UBE3D: variants seen among roughly 807,000 people sequenced by gnomAD.
UBE3D encodes the protein E3 ubiquitin-protein ligase E3D.
A neutral mutation model predicts 49.6 loss-of-function variants in UBE3D; 48 were observed. That is an observed-to-expected ratio of 0.97 (90% CI 0.77 to 1.23). The LOEUF is 1.23. Among genes scored for constraint, UBE3D ranks in the 50% most tolerant of loss-of-function variants. UBE3D has a pLI of 0.00. For missense variants in UBE3D, 452 were observed against 468.4 expected, an observed-to-expected ratio of 0.96 and a Z score of 0.32; for synonymous variants, 189 against 174.2, an observed-to-expected ratio of 1.08 and a Z score of -0.67.
At chr6:82,991,637 G>A (rs1778890173) in intron 8 of UBE3D, among the ~76,000 whole-genome samples, 1 of 152,018 alleles carries the variant, frequency 6.6e-6, no homozygotes, top group Admixed American at 6.6e-5. Flanking sequence ...ATTCTGGCAG[G>A]AAGATCTTAC....
Position 82,932,439 on chromosome 6 carries a change from A to C in UBE3D, c.1149+24873T>G, listed in dbSNP as rs144018810. 4.6e-5 allele frequency among the ~76,000 whole-genome samples: 7 copies of C among 152,196 alleles called. No homozygotes were observed. In the East Asian group the frequency reaches 1.4e-3, roughly 29 times the overall value. On this transcript the variant is annotated intron_variant, in intron 9 of 9. Coordinates refer to ENST00000369747, the MANE Select transcript of UBE3D (RefSeq NM_198920.3). ...GCTTTTTAAATCATGTGACCTTAAA[A>C]TCCCTTCCTTATACTCCATGCTGTG...
intron 8 of UBE3D, among the ~76,000 whole-genome samples, chr6:82,985,057 G>A (rs1582550096): frequency 3.3e-5 from 3 of 91,730 alleles, no homozygotes; most frequent in African/African-American, 1.3e-4. Context: ...TTGCTGTGTT[G>A]CCCAGGCTGG....
At chr6:83,025,808 A>G (rs1280322019) in intron 5 of UBE3D, among the ~76,000 whole-genome samples, 3 of 149,748 alleles carry the variant, frequency 2.0e-5, no homozygotes, top group Admixed American at 6.7e-5. Flanking sequence ...GCTTGAAACC[A>G]GGAGGCAGAT....
chr6:82,936,757 C>T (rs963671563), intron 9 of UBE3D, among the ~76,000 whole-genome samples: 1 of 152,224 alleles, frequency 6.6e-6, no homozygotes, highest in African/African-American at 2.4e-5. Context: ...GTGACCATCA[C>T]TTCCAACCTC....
At chr6:82,939,166 G>C (rs562310591) in intron 9 of UBE3D, among the ~76,000 whole-genome samples, 1 of 152,028 alleles carries the variant, frequency 6.6e-6, no homozygotes, top group Admixed American at 6.5e-5. Context: ...CTGTGTTACA[G>C]ATACTGAGGT....
At chr6:82,939,607 C>T (rs1056262106) in intron 9 of UBE3D, among the ~76,000 whole-genome samples, 1 of 152,186 alleles carries the variant, frequency 6.6e-6, no homozygotes, top group Non-Finnish European at 1.5e-5. Context: ...CAGTACAGTG[C>T]CATATAGGCT....
chr6:82,962,774 T>A (rs147489407), intron 8 of UBE3D, among the ~76,000 whole-genome samples: 1 of 152,270 alleles, frequency 6.6e-6, no homozygotes, highest in Admixed American at 6.5e-5. Context: ...TAATATTCCA[T>A]GAACAAGGCA....
intron 8 of UBE3D, among the ~76,000 whole-genome samples, chr6:82,960,939 T>C (rs980225064): frequency 6.6e-6 from 1 of 152,194 alleles, no homozygotes; most frequent in South Asian, 2.1e-4. Context: ...ACTTTCATTC[T>C]GAATTTTTTT....
At chr6:83,015,680 C>T (rs542388621) in intron 8 of UBE3D, among the ~76,000 whole-genome samples, 11 of 152,296 alleles carry the variant, frequency 7.2e-5, no homozygotes, top group Admixed American at 6.5e-4. Context: ...CCTGCCAGGA[C>T]TTTAGTCTAG....
At chr6:83,019,313 T>A (rs1366418186) in intron 7 of UBE3D, among the ~76,000 whole-genome samples, 177 bp from the exon 8 acceptor site, 9 of 146,348 alleles carry the variant, frequency 6.1e-5, no homozygotes, top group Non-Finnish European at 1.5e-5. Context: ...GTAGAGCAAC[T>A]GACATAAAGT....
chr6:82,973,678 C>A lies in UBE3D; in HGVS notation c.1011-16228G>T, dbSNP rs563896404. Among the ~76,000 whole-genome samples the A allele has an allele frequency of 3.3e-5, 5 of 152,134 alleles. No individual in the cohort carries two copies. The East Asian group carries it at 9.7e-4, about 30-fold the overall frequency. ...AGAGGCTAGCCTCAGTATTTGGTTC[C>A]AAGGTATAAAAAAGACACTTAAAAT... On this transcript the variant is annotated intron_variant, in intron 8 of 9. Coordinates refer to ENST00000369747, the MANE Select transcript of UBE3D (RefSeq NM_198920.3).
At chr6:83,060,113 C>T (rs1174471708) in intron 1 of UBE3D, among the ~76,000 whole-genome samples, 1 of 152,188 alleles carries the variant, frequency 6.6e-6, no homozygotes, top group Non-Finnish European at 1.5e-5. Flanking sequence ...CCCAAAGCCC[C>T]ATCTCCTAAC....
chr6:83,065,689 C>T lies in UBE3D; in HGVS notation c.30G>A (p.Val10=). Residue 10 remains valine (V), a synonymous_variant, in exon 1 of 10, where the codon GTG becomes GTA. Coordinates refer to ENST00000369747, the MANE Select transcript of UBE3D (RefSeq NM_198920.3). The stretch of plus-strand genomic sequence containing the variant: ...GCAGCTGTCCCCGCACCTCCAGAAA[C>T]ACGCGCGTCTCCGCCGCAGAAGCCG... MAASAAETR[V]FLEVRGQLQS... The T allele has an allele frequency of 1.9e-6, 3 of 1,613,004 alleles. No individual in the cohort carries two copies. The highest frequency in any genetic ancestry group is 1.7e-6 in the Non-Finnish European group (2 of 1,179,616).
At chr6:82,993,142 C>G (rs374257669) in intron 8 of UBE3D, among the ~76,000 whole-genome samples, 21,041 of 147,026 alleles carry the variant, frequency 0.14, 1,521 homozygotes, top group African/African-American at 0.17. Flanking sequence ...GAGAGAGAGA[C>G]AGAGAGAGAG....
downstream of UBE3D, among the ~76,000 whole-genome samples, chr6:82,887,893 G>A (rs921958465): frequency 5.3e-5 from 8 of 152,088 alleles, no homozygotes; most frequent in African/African-American, 1.9e-4. Flanking sequence ...GCTCAGGAAA[G>A]GGAGCACAGG....
intron 3 of UBE3D, among the ~76,000 whole-genome samples, chr6:83,050,873 G>A (rs1219939653): frequency 2.0e-5 from 3 of 147,268 alleles, no homozygotes; most frequent in South Asian, 4.2e-4. Context: ...AGGCACACAG[G>A]TGTGACATGA....
chr6:82,984,176 T>C (rs995497665), intron 8 of UBE3D, among the ~76,000 whole-genome samples: 6 of 152,294 alleles, frequency 3.9e-5, no homozygotes, highest in African/African-American at 1.4e-4. Flanking sequence ...CATTCTTCAA[T>C]AAACAATAGC....
intron 8 of UBE3D, among the ~76,000 whole-genome samples, chr6:82,964,381 A>C (rs1195236408): frequency 2.0e-5 from 3 of 152,212 alleles, no homozygotes; most frequent in Non-Finnish European, 2.9e-5. Flanking sequence ...TAACAACTCT[A>C]CCAAAATTAA....
intron 9 of UBE3D, among the ~76,000 whole-genome samples, chr6:82,898,257 G>A (rs1392736876): frequency 2.0e-5 from 3 of 152,204 alleles, no homozygotes; most frequent in Non-Finnish European, 4.4e-5. Flanking sequence ...CAACATTGTG[G>A]AAGACAGTAT....
Sources: allele counts gnomAD v4.1 joint callset (sites outside exome capture counted in the v4.1 genomes callset), GRCh38; gene constraint gnomAD v4.1.1; transcripts MANE v1.5; gene names NCBI Gene and HGNC (gene_info 2026-07-23, HGNC 2026-07-21).